SPAG16: variants seen among roughly 807,000 people sequenced by gnomAD.
The protein encoded by SPAG16 is sperm-associated antigen 16 protein.
In SPAG16, 86 loss-of-function variants were observed where a neutral mutation model predicts 80.4. The ratio of observed to expected loss-of-function variants is 1.07; its 90% CI spans 0.90 to 1.28. The LOEUF is 1.28. SPAG16 is among the 50% of genes most tolerant of loss of function. The pLI is 0.00. For synonymous variants in SPAG16, 294 were observed against 265.9 expected, an observed-to-expected ratio of 1.11 and a Z score of -1.03; for missense variants, 870 against 765.3, an observed-to-expected ratio of 1.14 and a Z score of -1.61.
intron 3 of SPAG16, among the ~76,000 whole-genome samples, chr2:213,305,537 T>C (rs865873956): frequency 6.6e-6 from 1 of 152,124 alleles, no homozygotes; most frequent in Admixed American, 6.6e-5. Context: ...TTCTTCTATC[T>C]CCATGTTTTT....
chr2:213,743,701 A>G (rs2067686093), intron 10 of SPAG16, among the ~76,000 whole-genome samples: 1 of 151,266 alleles, frequency 6.6e-6, no homozygotes, highest in African/African-American at 2.4e-5. Context: ...TATACTCTTC[A>G]TTTTCACAGT....
intron 10 of SPAG16, among the ~76,000 whole-genome samples, chr2:213,510,539 G>C (rs1046310973): frequency 6.6e-6 from 1 of 152,034 alleles, no homozygotes; most frequent in Admixed American, 6.5e-5. Flanking sequence ...AACGTAATAT[G>C]GAATATATTT....
At chr2:213,850,480 G>A (rs899964823) in intron 10 of SPAG16, among the ~76,000 whole-genome samples, 1 of 152,216 alleles carries the variant, frequency 6.6e-6, no homozygotes, top group Non-Finnish European at 1.5e-5. Context: ...AGGCTGTGCT[G>A]TAGTGGTAAT....
intron 15 of SPAG16, among the ~76,000 whole-genome samples, chr2:214,231,501 G>A (rs973630095): frequency 6.6e-6 from 1 of 151,844 alleles, no homozygotes; most frequent in African/African-American, 2.4e-5. Context: ...ATTGTATAAC[G>A]ATACTCATGC....
At chr2:213,681,011 GT>G (rs1220376570) in intron 10 of SPAG16, among the ~76,000 whole-genome samples, 1 of 152,166 alleles carries the variant, frequency 6.6e-6, no homozygotes, top group African/African-American at 2.4e-5. Context: ...AAGTTTTATG[GT>G]GCAGAGGAAT....
intron 10 of SPAG16, among the ~76,000 whole-genome samples, chr2:213,624,963 G>A: frequency 6.6e-6 from 1 of 152,004 alleles, no homozygotes; most frequent in East Asian, 1.9e-4. Context: ...GCTAATTTTT[G>A]TATTTTTAGT....
chr2:213,812,259 C>T (rs1224922978), intron 10 of SPAG16, among the ~76,000 whole-genome samples: 10 of 152,116 alleles, frequency 6.6e-5, no homozygotes, highest in Non-Finnish European at 1.5e-4. Context: ...TATGGAATAA[C>T]TTAAGAAGAA....
chr2:213,668,344 T>G (rs375182648), intron 10 of SPAG16, among the ~76,000 whole-genome samples: 97 of 152,114 alleles, frequency 6.4e-4, no homozygotes, highest in African/African-American at 2.3e-3. Flanking sequence ...CATAGACTAT[T>G]GGTCTTAGAC....
chr2:214,186,276 C>T (rs1413224818), intron 15 of SPAG16, among the ~76,000 whole-genome samples: 1 of 152,056 alleles, frequency 6.6e-6, no homozygotes, highest in African/African-American at 2.4e-5. Flanking sequence ...GAGTATAAAG[C>T]ATAAGATTGT....
At chr2:213,298,889 T>G (rs999061006) in intron 3 of SPAG16, among the ~76,000 whole-genome samples, 3 of 152,218 alleles carry the variant, frequency 2.0e-5, no homozygotes, top group Non-Finnish European at 4.4e-5. Context: ...TGCTGAAAAT[T>G]CACAGAAGTT....
chr2:213,738,488 C>T (rs2067395556), intron 10 of SPAG16, among the ~76,000 whole-genome samples: 1 of 151,988 alleles, frequency 6.6e-6, no homozygotes, highest in South Asian at 2.1e-4. Context: ...ATAACAGTAG[C>T]TACATTACTA....
At chr2:213,464,139 A>G (rs1039931000) in intron 9 of SPAG16, among the ~76,000 whole-genome samples, 7 of 152,216 alleles carry the variant, frequency 4.6e-5, no homozygotes, top group Non-Finnish European at 8.8e-5. Context: ...CAAAGGTTAC[A>G]TGGTTAATCA....
chr2:214,238,503 A>T (rs1438582254), intron 15 of SPAG16: 2 of 154,008 alleles, frequency 1.3e-5, no homozygotes, highest in Admixed American at 6.5e-5. Flanking sequence ...GGGTTCATTC[A>T]ATAGTAGTGC....
At chr2:213,588,808 C>CAAAAAAAAAAAAAAAAA (rs59813410) in intron 10 of SPAG16, among the ~76,000 whole-genome samples, 1 of 28,958 alleles carries the variant, frequency 3.5e-5, no homozygotes, top group Non-Finnish European at 6.1e-5. Flanking sequence ...GACTCCGTCT[C>CAAAAAAAAAAAAAAAAA]AAAAAAAAAA....
intron 15 of SPAG16, among the ~76,000 whole-genome samples, chr2:214,270,014 GTTA>G (rs1385905613): frequency 1.3e-5 from 2 of 152,094 alleles, no homozygotes; most frequent in Non-Finnish European, 2.9e-5. Context: ...TTTTAGGTCC[GTTA>G]TTATCAATAT....
At chr2:214,243,646 G>T (rs1461788042) in intron 15 of SPAG16, among the ~76,000 whole-genome samples, 1 of 151,824 alleles carries the variant, frequency 6.6e-6, no homozygotes, top group African/African-American at 2.4e-5. Context: ...CTTCTTGTTT[G>T]GGAATTTATG....
intron 15 of SPAG16, among the ~76,000 whole-genome samples, chr2:214,372,560 G>C (rs753924028): frequency 6.6e-6 from 1 of 152,120 alleles, no homozygotes; most frequent in Non-Finnish European, 1.5e-5. Flanking sequence ...TTTTTGTTGA[G>C]AATACAAAGG....
At chr2:213,324,676 G>A (rs2063767575) in intron 5 of SPAG16, among the ~76,000 whole-genome samples, 5 of 152,012 alleles carry the variant, frequency 3.3e-5, no homozygotes, top group Admixed American at 3.3e-4. Flanking sequence ...TCCAACAGTT[G>A]GTTATTAAAG....
chr2:214,115,754 G>C (rs762816436), intron 14 of SPAG16, among the ~76,000 whole-genome samples: 40 of 151,644 alleles, frequency 2.6e-4, no homozygotes, highest in African/African-American at 9.5e-4. Flanking sequence ...CTTGTGTGCC[G>C]GTAGTCCCAG....
Sources: gnomAD v4.1 joint callset for allele counts (sites outside exome capture counted in the v4.1 genomes callset) on GRCh38, gnomAD v4.1.1 for gene constraint, MANE v1.5 for transcripts, NCBI Gene and HGNC (gene_info 2026-07-23, HGNC 2026-07-21) for gene names.